Variants in PAPPA2 observed in about 807,000 individuals in gnomAD.
PAPPA2 encodes pappalysin 2.
In PAPPA2, 86 loss-of-function variants were observed where a neutral mutation model predicts 176.4. The ratio of observed to expected loss-of-function variants is 0.49; its 90% confidence interval spans 0.41 to 0.58. The LOEUF (loss-of-function observed/expected upper bound fraction) is 0.58, where lower values mean the gene tolerates loss of function less well. PAPPA2 is among the 20% of genes least tolerant of loss of function. The probability of loss-of-function intolerance (pLI) is 0.00; values close to 1 mark genes in which losing one functional copy is unlikely to be tolerated. For synonymous variants in PAPPA2, 809 were observed against 852.2 expected (o/e 0.95, Z 0.88); for missense variants, 2,073 against 2,256.9 (o/e 0.92, Z 1.65).
intron 3 of PAPPA2, among the ~76,000 whole-genome samples, chr1:176,657,729 C>A (rs571775726): frequency 8.6e-5 from 13 of 151,956 alleles, no homozygotes; most frequent in Non-Finnish European, 1.8e-4. Context: ...GTGTGATAAT[C>A]AAATTAGAGA....
At chr1:176,786,841 A>T (rs543697805) in intron 17 of PAPPA2, among the ~76,000 whole-genome samples, 1 of 152,192 alleles carries the variant, frequency 6.6e-6, no homozygotes, top group African/African-American at 2.4e-5. Context: ...TCCAAATACC[A>T]TATGTTCTCA....
At position 176,623,758 on chromosome 1, in the gene PAPPA2, CCTTTCTTT is replaced by C. The variant is rs71129580; in HGVS notation, c.1991+28207_1991+28214del. Among the ~76,000 whole-genome samples the C allele has an allele frequency of 8.0e-3, 470 of 59,064 alleles. 9 individuals carry two copies. Among genetic ancestry groups the C allele is most frequent in the African/African-American group, 0.016 (216 of 13,178 alleles). 38.7% of individuals were successfully genotyped at this position (59,064 alleles called of 152,430 possible). A position where few individuals can be genotyped will look rare whatever the true frequency, so the allele number is the denominator to read the frequency against. On this transcript the variant is annotated intron_variant, in intron 3 of 22. Coordinates refer to ENST00000367662, the MANE Select transcript of PAPPA2 (RefSeq NM_020318.3). ...TTTCTTTCTCTCTCTTTCCTTCCTTCCTTTCTTTCTTTCTTTCTTTCTTTCTTTCTTTC... is the reference window on the plus strand; with the variant it reads ...TTTCTTTCTCTCTCTTTCCTTCCTTCCTTTCTTTCTTTCTTTCTTTCTTTC...
intron 1 of PAPPA2, among the ~76,000 whole-genome samples, chr1:176,474,491 G>T (rs1019219230): frequency 4.6e-5 from 7 of 152,278 alleles, no homozygotes; most frequent in African/African-American, 1.4e-4. Context: ...CGTGGTCTCT[G>T]CCATACTCTA....
chr1:176,702,796 AGAGAGAGGGAGG>A (rs1436168344), intron 9 of PAPPA2, 61 bp downstream of exon 9: 1 of 1,423,578 alleles, frequency 7.0e-7, no homozygotes, highest in East Asian at 2.3e-5. Flanking sequence ...AGAGAGAGAG[AGAGAGAGGGAGG>A]GAGAGAGAGC....
rs1409296840 is a variant in PAPPA2, at chr1:176,740,122, A to C, written c.4077A>C (p.Thr1359=). 1 of 1,613,756 alleles carries C rather than the reference A, an allele frequency of 6.2e-7. No homozygotes were observed. Among genetic ancestry groups the C allele is most frequent in the Non-Finnish European group, 8.5e-7 (1 of 1,179,876 alleles). ...RVGISAVALR[T]SSRIGLSAPS... is the part of the protein sequence containing the mutation. The stretch of plus-strand genomic sequence containing the variant: ...GCATCTCAGCTGTGGCTCTAAGGAC[A>C]TCCTCCCGCATTGGTCTTTCGGCTC... Residue 1359 remains threonine (T), a synonymous_variant, in exon 14 of 23, where the codon ACA becomes ACC. Coordinates refer to ENST00000367662, the MANE Select transcript of PAPPA2 (RefSeq NM_020318.3).
chr1:176,594,754 C>T lies in PAPPA2; in HGVS notation c.1150C>T (p.Gln384Ter). ...RHMALYVDGT[Q>*]VASSLDQSGP... The stretch of plus-strand genomic sequence containing the variant: ...CATGGCCCTGTATGTGGATGGCACT[C>T]AGGTGGCTAGCAGTCTAGACCAGTC... Residue 384 changes from glutamine to a stop codon, truncating the protein, a stop_gained, in exon 3 of 23, where the codon CAG becomes TAG. Coordinates refer to ENST00000367662, the MANE Select transcript of PAPPA2 (RefSeq NM_020318.3). LOFTEE classifies it high-confidence loss of function. The T allele has an allele frequency of 3.1e-6, 5 of 1,614,252 alleles. No homozygotes were observed. Among genetic ancestry groups the T allele is most frequent in the Non-Finnish European group, 4.2e-6 (5 of 1,180,042 alleles).
At chr1:176,561,842 G>A (rs1414624317) in intron 2 of PAPPA2, among the ~76,000 whole-genome samples, 1 of 152,172 alleles carries the variant, frequency 6.6e-6, no homozygotes, top group East Asian at 1.9e-4. Context: ...AGCTTTAATG[G>A]ACTCACAGTT....
intron 8 of PAPPA2, 142 bp from the exon 9 acceptor site, chr1:176,702,465 T>G: frequency 8.0e-7 from 1 of 1,252,912 alleles, no homozygotes; most frequent in Admixed American, 2.7e-5. Context: ...TGCCCTGATC[T>G]TTGTTTTAGA....
chr1:176,773,881 A>G (rs1213236189), intron 17 of PAPPA2, among the ~76,000 whole-genome samples: 1 of 152,074 alleles, frequency 6.6e-6, no homozygotes, highest in East Asian at 1.9e-4. Flanking sequence ...ACTTCCTCTG[A>G]TGTCCCTGTT....
intron 14 of PAPPA2, among the ~76,000 whole-genome samples, chr1:176,745,688 G>A (rs1029093512): frequency 7.9e-5 from 12 of 152,202 alleles, no homozygotes; most frequent in African/African-American, 7.2e-5. Context: ...TGATAGAAGA[G>A]TATCCAAGAA....
chr1:176,789,297 C>T (rs1169296448), intron 17 of PAPPA2, among the ~76,000 whole-genome samples: 3 of 151,270 alleles, frequency 2.0e-5, no homozygotes, highest in Admixed American at 1.3e-4. Context: ...CAAACTATCG[C>T]AAGGACAAAA....
chr1:176,701,878 C>G (rs1280007054), intron 8 of PAPPA2, among the ~76,000 whole-genome samples: 2 of 152,182 alleles, frequency 1.3e-5, no homozygotes, highest in Admixed American at 1.3e-4. Context: ...GAGCCCTTTT[C>G]CTCTTCTCAG....
intron 3 of PAPPA2, among the ~76,000 whole-genome samples, chr1:176,608,730 G>C (rs1654753737): frequency 6.6e-6 from 1 of 152,134 alleles, no homozygotes; most frequent in Non-Finnish European, 1.5e-5. Flanking sequence ...TGTCAAACAA[G>C]TTCCTGGGCG....
At chr1:176,776,427 G>C (rs552821160) in intron 17 of PAPPA2, among the ~76,000 whole-genome samples, 68 of 152,302 alleles carry the variant, frequency 4.5e-4, no homozygotes, top group African/African-American at 1.6e-3. Flanking sequence ...GTTGCCCACA[G>C]CATCAACTTT....
At chr1:176,701,075 C>A (rs1665414441) in intron 8 of PAPPA2, among the ~76,000 whole-genome samples, 2 of 151,886 alleles carry the variant, frequency 1.3e-5, no homozygotes, top group African/African-American at 4.8e-5. Context: ...CACACACACA[C>A]ACATGTTTAA....
chr1:176,643,603 G>A (rs1657222242), intron 3 of PAPPA2, among the ~76,000 whole-genome samples: 1 of 151,804 alleles, frequency 6.6e-6, no homozygotes, highest in African/African-American at 2.4e-5. Flanking sequence ...AAAGGATCAT[G>A]TAGGGAGTGC....
intron 1 of PAPPA2, among the ~76,000 whole-genome samples, chr1:176,478,812 G>A (rs1316638792): frequency 6.6e-6 from 1 of 152,172 alleles, no homozygotes; most frequent in Non-Finnish European, 1.5e-5. Flanking sequence ...TCTTGGATGA[G>A]GACCAAGTCC....
At chr1:176,825,883 G>A (rs2102978804) in intron 21 of PAPPA2, among the ~76,000 whole-genome samples, 1 of 152,268 alleles carries the variant, frequency 6.6e-6, no homozygotes, top group East Asian at 1.9e-4. Flanking sequence ...GAGAACCATT[G>A]ATACGAAGAG....
intron 3 of PAPPA2, among the ~76,000 whole-genome samples, chr1:176,657,840 T>C (rs1217129337): frequency 1.3e-5 from 2 of 151,864 alleles, no homozygotes; most frequent in African/African-American, 4.8e-5. Context: ...TGGGGGTAAA[T>C]AAGGCATTGC....
Sources: gnomAD v4.1 joint callset for allele counts (sites outside exome capture counted in the v4.1 genomes callset) on GRCh38, gnomAD v4.1.1 for gene constraint, MANE v1.5 for transcripts, NCBI Gene and HGNC (gene_info 2026-07-23, HGNC 2026-07-21) for gene names.